PPP1R36: variants seen among roughly 807,000 people sequenced by gnomAD.
PPP1R36 encodes the protein chromosome 14 open reading frame 50.
PPP1R36 carries 47 observed loss-of-function variants against 53.4 expected under a neutral mutation model. The observed-to-expected ratio is 0.88, with a 90% CI of 0.70 to 1.12. The LOEUF (loss-of-function observed/expected upper bound fraction) is 1.12. Ranked by LOEUF, PPP1R36 falls within the 50% of genes most tolerant of loss-of-function variation. The pLI, the probability that PPP1R36 is intolerant of heterozygous loss-of-function variation, is 0.00. For missense variants in PPP1R36, 456 were observed against 513.9 expected (o/e 0.89, Z 1.09); for synonymous variants, 153 against 170.5 (o/e 0.90, Z 0.80).
intron 3 of PPP1R36, among the ~76,000 whole-genome samples, chr14:64,554,616 G>A (rs2080132454): frequency 6.6e-6 from 1 of 152,170 alleles, no homozygotes; most frequent in Non-Finnish European, 1.5e-5. Flanking sequence ...TGGTGAAGAG[G>A]CCAGGCTGAG....
chr14:64,586,875 T>G lies in PPP1R36; in HGVS notation c.707T>G (p.Phe236Cys), dbSNP rs757139774. 2 of 1,611,692 alleles carry G rather than the reference T, an allele frequency of 1.2e-6. No individual in the cohort carries two copies. Among genetic ancestry groups the G allele is most frequent in the Admixed American group, 3.3e-5 (2 of 59,968 alleles). Residue 236 changes from phenylalanine (F) to cysteine (C), a missense_variant, in exon 9 of 12, where the codon TTT becomes TGT. By Grantham distance (205) the Phe-to-Cys change is radical. Coordinates refer to ENST00000298705, the MANE Select transcript of PPP1R36 (RefSeq NM_172365.3). ...ISDTQKDWKF[F>C]ESFYTFCTYV... ...GATACACAGAAAGACTGGAAGTTCT[T>G]TGAGGTGAGTCACTTATGTTTTGGT...
chr14:64,552,622 A>T, intron 2 of PPP1R36, 192 bp from the exon 3 acceptor site: 1 of 536,362 alleles, frequency 1.9e-6, no homozygotes, highest in Non-Finnish European at 3.4e-6. Context: ...AAGCAGACAT[A>T]CATAGTTACA....
At chr14:64,586,900 T>G (rs564283447) in intron 9 of PPP1R36, 21 bp downstream of exon 9, 3 of 1,599,450 alleles carry the variant, frequency 1.9e-6, no homozygotes, top group African/African-American at 1.3e-5. Flanking sequence ...TATGTTTTGG[T>G]GCTTTTTGAT....
At chr14:64,562,936 GGCTCACT>G (rs1201168141) in intron 3 of PPP1R36, among the ~76,000 whole-genome samples, 1 of 151,864 alleles carries the variant, frequency 6.6e-6, no homozygotes, top group Non-Finnish European at 1.5e-5. Flanking sequence ...GCATGATCTC[GGCTCACT>G]GCAACCTCCG....
In PPP1R36 at chr14:64,569,964, C is replaced by T. The variant is rs2080290292; in HGVS notation, c.533+1517C>T. ...ATGTTGGCCAATCTGGTCTCGAACT[C>T]CTGACCTCAGGTGATCTGCCTGCCC... On this transcript the variant is annotated intron_variant, in intron 7 of 11. Coordinates refer to ENST00000298705, the MANE Select transcript of PPP1R36 (RefSeq NM_172365.3). Among the ~76,000 whole-genome samples the T allele has an allele frequency of 2.0e-5, 3 of 151,678 alleles. No individual in the cohort carries two copies. In the South Asian group the frequency reaches 6.3e-4, roughly 32 times the overall value.
intron 3 of PPP1R36, among the ~76,000 whole-genome samples, chr14:64,557,987 T>C (rs954385817): frequency 7.1e-5 from 7 of 98,382 alleles, no homozygotes; most frequent in African/African-American, 2.3e-4. Context: ...CCAGCCTGGG[T>C]GAAAGAAAAA....
rs1400986847 is a variant in PPP1R36 at position 64,588,103 on chromosome 14, G to C, written c.891-1G>C. ...CTAAATGTCACCTTCCTCCCCGACA[G>C]GAGAATGATGGCAAAACGCCCAGCA... On this transcript the variant is annotated splice_acceptor_variant, in intron 10 of 11. Coordinates refer to ENST00000298705, the MANE Select transcript of PPP1R36 (RefSeq NM_172365.3). LOFTEE classifies it high-confidence loss of function. 4 of 1,595,862 alleles carry C rather than the reference G, an allele frequency of 2.5e-6. No individual in the cohort carries two copies. The highest frequency in any genetic ancestry group is 3.4e-6 in the Non-Finnish European group (4 of 1,168,732).
At chr14:64,562,325 G>A (rs995577997) in intron 3 of PPP1R36, among the ~76,000 whole-genome samples, 1 of 152,106 alleles carries the variant, frequency 6.6e-6, no homozygotes, top group Admixed American at 6.6e-5. Context: ...GCAGGATGTG[G>A]TGGCAGGCAC....
At chr14:64,566,358 G>A (rs895157951) in intron 6 of PPP1R36, among the ~76,000 whole-genome samples, 1 of 150,628 alleles carries the variant, frequency 6.6e-6, no homozygotes, top group African/African-American at 2.4e-5. Flanking sequence ...CAGGAGAATC[G>A]CTTGAACCTG....
At chr14:64,568,108 A>G (rs2080274879) in intron 6 of PPP1R36, among the ~76,000 whole-genome samples, 1 of 152,236 alleles carries the variant, frequency 6.6e-6, no homozygotes, top group South Asian at 2.1e-4. Context: ...ATTAGTAAGC[A>G]CAACTATAAG....
chr14:64,557,272 C>T (rs1195579450), intron 3 of PPP1R36, among the ~76,000 whole-genome samples: 4 of 152,128 alleles, frequency 2.6e-5, no homozygotes, highest in Admixed American at 6.6e-5. Flanking sequence ...CTACCCTGCT[C>T]CTCAATTATT....
chr14:64,565,362 C>T lies in PPP1R36; in HGVS notation c.275C>T (p.Thr92Ile), dbSNP rs368849360. ...ACTGTTATATTCCAAAACAGGTTGACAGATAAAAGACTTGCTGCAAAAGAT... is the reference window on the plus strand; with the variant it reads ...ACTGTTATATTCCAAAACAGGTTGATAGATAAAAGACTTGCTGCAAAAGAT... ...ETDGPASDRLTDKRLAAKDDK... is the reference protein window; with the variant it reads ...ETDGPASDRLIDKRLAAKDDK... The change falls in exon 5 of 12, where the codon ACA becomes ATA. Residue 92 changes from threonine (T) to isoleucine (I), a missense_variant. Transcript: ENST00000298705. 1.0e-4 allele frequency: 169 copies of T among 1,610,218 alleles called. No individual in the cohort carries two copies. Among genetic ancestry groups the T allele is most frequent in the Non-Finnish European group, 1.3e-4 (153 of 1,177,418 alleles).
chr14:64,565,085 T>C (rs1159420917), intron 4 of PPP1R36, among the ~76,000 whole-genome samples: 1 of 152,246 alleles, frequency 6.6e-6, no homozygotes, highest in Non-Finnish European at 1.5e-5. Context: ...TTGAAAATGA[T>C]AGGTACACCA....
Position 64,586,861 on chromosome 14 carries a change from A to T in PPP1R36, c.693A>T (p.Lys231Asn). The change falls in exon 9 of 12, where the codon AAA becomes AAT. Residue 231 changes from lysine to asparagine, a missense_variant. Transcript: ENST00000298705. ...CGKEKISDTQ[K>N]DWKFFESFYT... ...GGGAGAAAATATCAGATACACAGAAAGACTGGAAGTTCTTTGAGGTGAGTC... is the reference window on the plus strand; with the variant it reads ...GGGAGAAAATATCAGATACACAGAATGACTGGAAGTTCTTTGAGGTGAGTC... The T allele has an allele frequency of 6.2e-7, 1 of 1,612,562 alleles. No individual in the cohort carries two copies. The highest frequency in any genetic ancestry group is 8.5e-7 in the Non-Finnish European group (1 of 1,178,756).
At chr14:64,562,970 A>G (rs759484243) in intron 3 of PPP1R36, among the ~76,000 whole-genome samples, 2 of 151,976 alleles carry the variant, frequency 1.3e-5, no homozygotes, top group Non-Finnish European at 2.9e-5. Flanking sequence ...GGGTTCAAGC[A>G]ATTCTCCTGC....
At chr14:64,588,658 T>G (rs936408326) in intron 11 of PPP1R36, 3 of 196,830 alleles carry the variant, frequency 1.5e-5, no homozygotes, top group Non-Finnish European at 3.0e-5. Flanking sequence ...CCTCCCGAGT[T>G]TAAGTGATTC....
Position 64,550,139 on chromosome 14 carries a change from G to A in PPP1R36, c.69+73G>A. On this transcript the variant is annotated intron_variant, in intron 1 of 11. Transcript: ENST00000298705. ...GGCCCTGCTGCCCCCAACCGGCGCC[G>A]CGCCCCTCGCCCTCCTCCAGAGGCG... 2.0e-6 allele frequency: 3 copies of A among 1,515,078 alleles called. No individual in the cohort carries two copies. The South Asian group carries it at 3.7e-5, about 18-fold the overall frequency. 93.9% of individuals were successfully genotyped at this position (1,515,078 alleles called of 1,614,324 possible). A position where few individuals can be genotyped will look rare whatever the true frequency, so the allele number is the denominator to read the frequency against.
intron 8 of PPP1R36, among the ~76,000 whole-genome samples, chr14:64,577,217 T>C (rs1379393163): frequency 1.3e-5 from 2 of 152,214 alleles, no homozygotes; most frequent in Non-Finnish European, 2.9e-5. Flanking sequence ...ACACAATGCA[T>C]ACGGGCTCTA....
chr14:64,587,127 T>C (rs757416821), intron 9 of PPP1R36, 67 bp from the exon 10 acceptor site: 42 of 1,259,842 alleles, frequency 3.3e-5, no homozygotes, highest in Non-Finnish European at 4.5e-5. Flanking sequence ...AGCTGTGTTA[T>C]ACAGACAGGT....
Sources: allele counts gnomAD v4.1 joint callset (sites outside exome capture counted in the v4.1 genomes callset), GRCh38; gene constraint gnomAD v4.1.1; transcripts MANE v1.5; gene names NCBI Gene and HGNC (gene_info 2026-07-23, HGNC 2026-07-21).